PTPRM: variants seen among roughly 807,000 people sequenced by gnomAD.
PTPRM encodes the protein receptor-type tyrosine-protein phosphatase mu.
PTPRM carries 47 observed loss-of-function variants against 186.7 expected under a neutral mutation model. The ratio of observed to expected loss-of-function variants is 0.25; its 90% CI spans 0.20 to 0.32. The LOEUF (loss-of-function observed/expected upper bound fraction) is 0.32. Among genes scored for constraint, PTPRM ranks in the 10% least tolerant of loss-of-function variants. The pLI is 1.00. For missense variants in PTPRM, 1,494 were observed against 1,865.0 expected, an observed-to-expected ratio of 0.80 and a Z score of 3.66; for synonymous variants, 668 against 674.9, an observed-to-expected ratio of 0.99 and a Z score of 0.16.
At chr18:8,172,104 T>C (rs983680080) in intron 14 of PTPRM, among the ~76,000 whole-genome samples, 2 of 152,112 alleles carry the variant, frequency 1.3e-5, no homozygotes, top group African/African-American at 4.8e-5. Flanking sequence ...TTTTCAGCAA[T>C]ATAAAGACAT....
intron 1 of PTPRM, among the ~76,000 whole-genome samples, chr18:7,678,542 C>T (rs537345034): frequency 3.3e-5 from 5 of 152,164 alleles, no homozygotes; most frequent in African/African-American, 1.2e-4. Flanking sequence ...GACCACTGGG[C>T]GTGTGCAGTT....
intron 2 of PTPRM, among the ~76,000 whole-genome samples, chr18:7,874,964 G>A (rs151329471): frequency 2.6e-3 from 395 of 152,220 alleles, no homozygotes; most frequent in African/African-American, 8.8e-3. Flanking sequence ...AGTCCGCGGC[G>A]GGCGGATCAC....
At chr18:7,922,925 T>C (rs1012675779) in intron 4 of PTPRM, among the ~76,000 whole-genome samples, 1 of 152,202 alleles carries the variant, frequency 6.6e-6, no homozygotes, top group Non-Finnish European at 1.5e-5. Flanking sequence ...TAGGGTTTCT[T>C]AACCTTGGTG....
At chr18:7,874,675 A>G (rs924983774) in intron 2 of PTPRM, among the ~76,000 whole-genome samples, 2 of 152,178 alleles carry the variant, frequency 1.3e-5, no homozygotes, top group Non-Finnish European at 2.9e-5. Context: ...AAAACCTGAA[A>G]ACGAAATAGT....
At chr18:7,858,733 C>G (rs2047207583) in intron 2 of PTPRM, among the ~76,000 whole-genome samples, 1 of 152,180 alleles carries the variant, frequency 6.6e-6, no homozygotes, top group East Asian at 1.9e-4. Flanking sequence ...CTAGAGCTAT[C>G]ATAATGGAGA....
intron 14 of PTPRM, among the ~76,000 whole-genome samples, chr18:8,192,836 C>T (rs994350496): frequency 2.0e-5 from 3 of 152,116 alleles, no homozygotes; most frequent in African/African-American, 7.2e-5. Flanking sequence ...CTATAGATTA[C>T]TTAATTTCTT....
At chr18:8,191,700 A>C (rs1390319572) in intron 14 of PTPRM, among the ~76,000 whole-genome samples, 1 of 152,200 alleles carries the variant, frequency 6.6e-6, no homozygotes, top group Non-Finnish European at 1.5e-5. Context: ...GGGATGAGTG[A>C]GCAGGGGAAT....
intron 11 of PTPRM, among the ~76,000 whole-genome samples, chr18:8,089,724 A>C (rs2145341193): frequency 6.6e-6 from 1 of 152,256 alleles, no homozygotes; most frequent in Admixed American, 6.5e-5. Flanking sequence ...TGATTTCATT[A>C]ATGTTTTGAC....
At chr18:8,020,691 A>G (rs2147957285) in intron 7 of PTPRM, among the ~76,000 whole-genome samples, 1 of 152,192 alleles carries the variant, frequency 6.6e-6, no homozygotes, top group South Asian at 2.1e-4. Context: ...GTTTATTGAT[A>G]TTGTGCTGCA....
At chr18:7,839,346 A>G (rs920704422) in intron 2 of PTPRM, among the ~76,000 whole-genome samples, 1 of 152,158 alleles carries the variant, frequency 6.6e-6, no homozygotes, top group South Asian at 2.1e-4. Flanking sequence ...GGCCCTTGAC[A>G]TAGCACCTCA....
At chr18:7,655,570 T>C (rs2038827777) in intron 1 of PTPRM, among the ~76,000 whole-genome samples, 1 of 152,200 alleles carries the variant, frequency 6.6e-6, no homozygotes, top group South Asian at 2.1e-4. Context: ...CAAAAACATA[T>C]GTTCACATAA....
At chr18:7,917,491 G>A (rs184714537) in intron 4 of PTPRM, among the ~76,000 whole-genome samples, 138 of 152,234 alleles carry the variant, frequency 9.1e-4, no homozygotes, top group African/African-American at 2.9e-3. Flanking sequence ...AGCCCAGCTC[G>A]CGCCACTGTA....
intron 3 of PTPRM, among the ~76,000 whole-genome samples, chr18:7,892,115 C>T (rs1309280918): frequency 1.3e-5 from 2 of 152,168 alleles, no homozygotes; most frequent in East Asian, 1.9e-4. Context: ...CAGTGGACAG[C>T]ACTCCTAGTT....
Position 8,088,773 on chromosome 18 carries a change from T to C in PTPRM, c.1778T>C (p.Leu593Pro). ...GCACCCTCTATGCCAGCTTATGAAC[T>C]TGAGACACCTTTGAATCAAACTGAC... ...ISAPSMPAYELETPLNQTDNT... is the reference protein window; with the variant it reads ...ISAPSMPAYEPETPLNQTDNT... Residue 593 changes from leucine (L) to proline (P), a missense_variant, in exon 11 of 33, where the codon CTT becomes CCT. Leu to Pro is a moderately conservative substitution (Grantham distance 98, BLOSUM62 -3). Coordinates refer to ENST00000580170, the MANE Select transcript of PTPRM (RefSeq NM_001105244.2). The C allele has an allele frequency of 6.2e-7, 1 of 1,613,014 alleles. No homozygotes were observed. The highest frequency in any genetic ancestry group is 8.5e-7 in the Non-Finnish European group (1 of 1,179,158).
intron 2 of PTPRM, among the ~76,000 whole-genome samples, chr18:7,876,295 G>A (rs1206315713): frequency 2.6e-5 from 4 of 152,040 alleles, no homozygotes; most frequent in African/African-American, 9.7e-5. Context: ...TTAATTTTCT[G>A]TAATGCATTC....
intron 2 of PTPRM, among the ~76,000 whole-genome samples, chr18:7,881,427 C>T (rs765452617): frequency 3.3e-5 from 5 of 152,192 alleles, no homozygotes; most frequent in South Asian, 2.1e-4. Flanking sequence ...AAGAGCAAAA[C>T]TCCGTCTTGG....
chr18:8,217,353 C>T (rs566393675), intron 14 of PTPRM, among the ~76,000 whole-genome samples: 96 of 152,298 alleles, frequency 6.3e-4, no homozygotes, highest in African/African-American at 2.1e-3. Flanking sequence ...GGGGTCTAGG[C>T]ATTTCTTCCT....
At chr18:7,762,090 T>C (rs534018238) in intron 1 of PTPRM, among the ~76,000 whole-genome samples, 51 of 152,294 alleles carry the variant, frequency 3.3e-4, no homozygotes, top group African/African-American at 1.2e-3. Context: ...GAACAGAACA[T>C]TGTCCTTGTT....
intron 7 of PTPRM, among the ~76,000 whole-genome samples, chr18:7,992,555 G>A (rs1463747845): frequency 1.3e-5 from 2 of 152,070 alleles, no homozygotes; most frequent in African/African-American, 4.8e-5. Context: ...GGGACCAGGG[G>A]CAACAAAGAG....
Sources: allele counts gnomAD v4.1 joint callset (sites outside exome capture counted in the v4.1 genomes callset), GRCh38; gene constraint gnomAD v4.1.1; transcripts MANE v1.5; gene names NCBI Gene and HGNC (gene_info 2026-07-23, HGNC 2026-07-21).